The following UBE3D variants were observed in gnomAD, a reference collection of about 807,000 sequenced individuals.
UBE3D encodes the protein E3 ubiquitin-protein ligase E3D.
Under a neutral mutation model 49.6 loss-of-function variants are expected in UBE3D, and 48 were observed. The observed-to-expected ratio is 0.97, with a 90% confidence interval of 0.77 to 1.23. The LOEUF is 1.23. Ranked by LOEUF, UBE3D falls within the 50% of genes most tolerant of loss-of-function variation. UBE3D has a pLI of 0.00. For missense variants in UBE3D, 452 were observed against 468.4 expected, an observed-to-expected ratio of 0.96 and a Z score of 0.32; for synonymous variants, 189 against 174.2, an observed-to-expected ratio of 1.08 and a Z score of -0.67.
At chr6:82,944,130 T>C (rs752536211) in intron 9 of UBE3D, among the ~76,000 whole-genome samples, 14 of 151,294 alleles carry the variant, frequency 9.3e-5, no homozygotes, top group Non-Finnish European at 1.9e-4. Flanking sequence ...AGACACTAGC[T>C]GGGGCAGCTA....
chr6:82,978,329 A>G (rs999980253), intron 8 of UBE3D, among the ~76,000 whole-genome samples: 5 of 152,096 alleles, frequency 3.3e-5, no homozygotes, highest in African/African-American at 1.2e-4. Flanking sequence ...TCACTATTCT[A>G]TTATCATAAT....
rs140287298 is a variant in UBE3D, at chr6:82,972,098, C to T, written c.1011-14648G>A. Among the ~76,000 whole-genome samples the T allele has an allele frequency of 2.6e-3, 402 of 152,252 alleles. 4 individuals carry two copies. The highest frequency in any genetic ancestry group is 9.0e-3 in the African/African-American group (373 of 41,548). On this transcript the variant is annotated intron_variant, in intron 8 of 9. Transcript: ENST00000369747. ...GCTCTCTCAGCCCATGCCTTCAGAA[C>T]GGGGTGGGTTCTGGTTGTTTGCATC... is the stretch of plus-strand genomic sequence containing the variant.
chr6:82,988,369 AAATT>A (rs1778665254), intron 8 of UBE3D, among the ~76,000 whole-genome samples: 2 of 152,194 alleles, frequency 1.3e-5, no homozygotes, highest in South Asian at 2.1e-4. Context: ...AGTTCATAAC[AAATT>A]AATTAATTAA....
chr6:82,930,396 G>T (rs1774059789), intron 9 of UBE3D, among the ~76,000 whole-genome samples: 1 of 152,210 alleles, frequency 6.6e-6, no homozygotes, highest in South Asian at 2.1e-4. Flanking sequence ...AAACGTGGAA[G>T]TGACTTTGGA....
chr6:83,046,369 G>T lies in UBE3D; in HGVS notation c.366-1710C>A, dbSNP rs575801967. ...CTGCAGAGGACAAAGCTAGAAACAA[G>T]AAAGGCTGATTTTAGTTTAACATAA... is the stretch of plus-strand genomic sequence containing the variant. On this transcript the variant is annotated intron_variant, in intron 3 of 9. Coordinates refer to ENST00000369747, the MANE Select transcript of UBE3D (RefSeq NM_198920.3). 3.3e-5 allele frequency among the ~76,000 whole-genome samples: 5 copies of T among 152,140 alleles called. No individual in the cohort carries two copies. The South Asian group carries it at 1.0e-3, about 32-fold the overall frequency.
chr6:83,056,199 T>C (rs1353569145), intron 2 of UBE3D, among the ~76,000 whole-genome samples: 1 of 152,230 alleles, frequency 6.6e-6, no homozygotes, highest in Non-Finnish European at 1.5e-5. Flanking sequence ...AGTTACAGAA[T>C]ACAGAATATG....
the UBE3D span, among the ~76,000 whole-genome samples, chr6:82,884,968 A>G: frequency 5.1e-4 from 78 of 152,286 alleles, no homozygotes; most frequent in African/African-American, 1.8e-3. Flanking sequence ...TCCTTTCCTC[A>G]CTTAAAGATT....
chr6:82,900,171 C>T (rs952645328), intron 9 of UBE3D, among the ~76,000 whole-genome samples: 1 of 152,136 alleles, frequency 6.6e-6, no homozygotes, highest in Non-Finnish European at 1.5e-5. Context: ...GCCCTATTGG[C>T]GACATGCCTC....
intron 8 of UBE3D, among the ~76,000 whole-genome samples, chr6:83,006,527 GAC>G (rs1438151331): frequency 6.6e-6 from 1 of 152,084 alleles, no homozygotes; most frequent in Non-Finnish European, 1.5e-5. Context: ...GCCATGCAAG[GAC>G]ACAGAGAGAA....
At chr6:82,980,918 T>G (rs1778072451) in intron 8 of UBE3D, among the ~76,000 whole-genome samples, 1 of 152,110 alleles carries the variant, frequency 6.6e-6, no homozygotes, top group Non-Finnish European at 1.5e-5. Context: ...TTGGTCTATG[T>G]GTCTATTTTT....
At chr6:82,953,568 A>C (rs2127769699) in intron 9 of UBE3D, among the ~76,000 whole-genome samples, 1 of 152,292 alleles carries the variant, frequency 6.6e-6, no homozygotes, top group East Asian at 1.9e-4. Context: ...TTAGATTTCT[A>C]GAATGTCACA....
chr6:82,945,813 TA>T (rs1301285198), intron 9 of UBE3D, among the ~76,000 whole-genome samples: 12 of 152,154 alleles, frequency 7.9e-5, no homozygotes, highest in Middle Eastern at 3.2e-3. Context: ...ATTTAACAAA[TA>T]GATTGAACTA....
chr6:83,064,962 G>C (rs139259665), intron 1 of UBE3D, among the ~76,000 whole-genome samples: 9 of 152,310 alleles, frequency 5.9e-5, no homozygotes, highest in African/African-American at 1.9e-4. Flanking sequence ...CAAAGGAATA[G>C]ACAAGGGGAC....
At position 82,913,285 on chromosome 6, in the gene UBE3D, A is replaced by T. The variant is rs184915158; in HGVS notation, c.1150-20243T>A. Among the ~76,000 whole-genome samples the T allele has an allele frequency of 9.2e-5, 14 of 152,340 alleles. No individual in the cohort carries two copies. In the East Asian group the frequency reaches 2.7e-3, roughly 29 times the overall value. ...CTGTTGCAAGGTTGACGTCCAATAA[A>T]TTATAATTTTAGCAGCATCATTATT... is the stretch of plus-strand genomic sequence containing the variant. On this transcript the variant is annotated intron_variant, in intron 9 of 9. Coordinates refer to ENST00000369747, the MANE Select transcript of UBE3D (RefSeq NM_198920.3).
intron 7 of UBE3D, among the ~76,000 whole-genome samples, chr6:83,021,976 T>G (rs533464004): frequency 6.6e-6 from 1 of 152,176 alleles, no homozygotes; most frequent in Non-Finnish European, 1.5e-5. Context: ...ATAGAGGCAC[T>G]TGATCATCTG....
chr6:83,025,243 A>G (rs1027848377), intron 5 of UBE3D, among the ~76,000 whole-genome samples: 1 of 152,180 alleles, frequency 6.6e-6, no homozygotes, highest in Non-Finnish European at 1.5e-5. Context: ...ACCTCACATT[A>G]GAATCTACCC....
intron 8 of UBE3D, among the ~76,000 whole-genome samples, chr6:83,015,972 C>T (rs1024344136): frequency 2.6e-5 from 4 of 152,198 alleles, no homozygotes; most frequent in Admixed American, 6.5e-5. Flanking sequence ...TCCTCCCACA[C>T]GTCCCCATTC....
At chr6:83,044,002 C>T (rs1782852455) in intron 4 of UBE3D, among the ~76,000 whole-genome samples, 1 of 152,170 alleles carries the variant, frequency 6.6e-6, no homozygotes, top group African/African-American at 2.4e-5. Flanking sequence ...TTTATGACTT[C>T]AGCAGAAGTC....
intron 8 of UBE3D, among the ~76,000 whole-genome samples, chr6:82,993,131 A>G (rs1353015054): frequency 6.6e-6 from 1 of 152,028 alleles, no homozygotes; most frequent in African/African-American, 2.4e-5. Context: ...GGAGAGAGAG[A>G]GAGAGAGAGA....
Sources: allele counts gnomAD v4.1 joint callset (sites outside exome capture counted in the v4.1 genomes callset), GRCh38; gene constraint gnomAD v4.1.1; transcripts MANE v1.5; gene names NCBI Gene and HGNC (gene_info 2026-07-23, HGNC 2026-07-21).